CADPS2: variants seen among roughly 807,000 people sequenced by gnomAD.
CADPS2 encodes calcium dependent secretion activator 2.
CADPS2 carries 93 observed loss-of-function variants against 172.5 expected under a neutral mutation model. That is an observed-to-expected ratio of 0.54 (90% confidence interval 0.46 to 0.64). CADPS2 has a LOEUF of 0.64. Ranked by LOEUF, CADPS2 falls within the 30% of genes least tolerant of loss-of-function variation. CADPS2 has a pLI of 0.00. For synonymous variants in CADPS2, 546 were observed against 555.2 expected, an observed-to-expected ratio of 0.98 and a Z score of 0.23; for missense variants, 1,420 against 1,565.9, an observed-to-expected ratio of 0.91 and a Z score of 1.57.
chr7:122,799,561 A>G (rs1029015145), intron 1 of CADPS2, among the ~76,000 whole-genome samples: 6 of 149,610 alleles, frequency 4.0e-5, no homozygotes, highest in Non-Finnish European at 8.9e-5. Context: ...CAGAGATCGC[A>G]CCACTGCACT....
At chr7:122,677,657 CA>C (rs1382077906) in intron 2 of CADPS2, among the ~76,000 whole-genome samples, 3 of 152,134 alleles carry the variant, frequency 2.0e-5, no homozygotes, top group Non-Finnish European at 4.4e-5. Flanking sequence ...ACAACAACAA[CA>C]ACAATAAAAA....
chr7:122,422,336 C>T (rs1194515416), intron 17 of CADPS2, among the ~76,000 whole-genome samples: 1 of 152,110 alleles, frequency 6.6e-6, no homozygotes, highest in South Asian at 2.1e-4. Context: ...ATTTCTTCTA[C>T]GTGGAACCCC....
intron 28 of CADPS2, among the ~76,000 whole-genome samples, chr7:122,326,101 T>A (rs2033804177): frequency 3.3e-5 from 5 of 151,580 alleles, no homozygotes; most frequent in Admixed American, 1.3e-4. Context: ...ATCTACAACT[T>A]AAACAGTAAT....
At chr7:122,325,428 A>T in intron 29 of CADPS2, 49 bp downstream of exon 29, 1 of 1,201,242 alleles carries the variant, frequency 8.3e-7, no homozygotes, top group Non-Finnish European at 1.2e-6. Context: ...TCTTGCCATT[A>T]TTCCTTATAG....
chr7:122,585,386 C>T (rs2069500383), intron 6 of CADPS2: 1 of 141,356 alleles, frequency 7.1e-6, no homozygotes, highest in Non-Finnish European at 1.5e-5. Flanking sequence ...GTTGAAAAGA[C>T]ACAGTTAGAA....
intron 17 of CADPS2, chr7:122,421,043 T>C (rs1000376791): frequency 1.3e-5 from 2 of 152,404 alleles, no homozygotes; most frequent in African/African-American, 2.4e-5. Context: ...CTTGCTGCTA[T>C]TCCCTGTCAA....
chr7:122,429,413 A>G (rs2049594999), intron 17 of CADPS2, among the ~76,000 whole-genome samples: 1 of 151,252 alleles, frequency 6.6e-6, no homozygotes, highest in African/African-American at 2.4e-5. Context: ...AACCTTGAAC[A>G]AATTTATAAT....
At chr7:122,816,685 C>T (rs1046699810) in intron 1 of CADPS2, among the ~76,000 whole-genome samples, 8 of 152,210 alleles carry the variant, frequency 5.3e-5, no homozygotes, top group Non-Finnish European at 7.3e-5. Flanking sequence ...TCCATGTCTT[C>T]GGCAGCATCC....
At chr7:122,606,994 C>A (rs1185938462) in intron 6 of CADPS2, among the ~76,000 whole-genome samples, 1 of 152,058 alleles carries the variant, frequency 6.6e-6, no homozygotes, top group African/African-American at 2.4e-5. Flanking sequence ...TACATGTGGA[C>A]ACCTGATATG....
intron 7 of CADPS2, among the ~76,000 whole-genome samples, chr7:122,562,793 T>C (rs1374129331): frequency 6.6e-6 from 1 of 152,194 alleles, no homozygotes; most frequent in Non-Finnish European, 1.5e-5. Flanking sequence ...TGAAGCATTC[T>C]GCTTGTAAAA....
intron 28 of CADPS2, among the ~76,000 whole-genome samples, chr7:122,337,868 T>G (rs753257607): frequency 4.0e-5 from 6 of 151,328 alleles, no homozygotes; most frequent in Admixed American, 6.6e-5. Flanking sequence ...GTCAAACAAC[T>G]TCAGTGTGAG....
At chr7:122,511,792 T>C (rs923502091) in intron 9 of CADPS2, among the ~76,000 whole-genome samples, 8 of 152,178 alleles carry the variant, frequency 5.3e-5, no homozygotes, top group African/African-American at 1.7e-4. Context: ...TTTGTCAAAT[T>C]AGATATGAAT....
In CADPS2 at chr7:122,554,712, A is replaced by C. The variant is rs147095667; in HGVS notation, c.1336-23T>G. On this transcript the variant is annotated intron_variant, in intron 7 of 29. Coordinates refer to ENST00000449022, the MANE Select transcript of CADPS2 (RefSeq NM_017954.11). ...CACCTGTATGGAAAAAAAAACCCAC[A>C]TTTAAACGCATGATACGGAGTGTCT... The C allele has an allele frequency of 3.9e-5, 62 of 1,569,872 alleles. No individual in the cohort carries two copies. In the African/African-American group the frequency reaches 6.8e-4, roughly 17 times the overall value.
chr7:122,702,046 A>C lies in CADPS2; in HGVS notation c.453+34909T>G, dbSNP rs781181122. Reference sequence around the variant, plus strand: ...GAACTCGCAGTTGAAGCTGGTCAATAGCTTTCTTCACATCTGTCTTTATTT... The same window carrying C: ...GAACTCGCAGTTGAAGCTGGTCAATCGCTTTCTTCACATCTGTCTTTATTT... On this transcript the variant is annotated intron_variant, in intron 2 of 29. Transcript: ENST00000449022. The C allele has an allele frequency of 1.7e-5, 28 of 1,613,482 alleles. 1 individual carries two copies. The Admixed American group carries it at 4.7e-4, about 27-fold the overall frequency.
intron 2 of CADPS2, among the ~76,000 whole-genome samples, chr7:122,734,547 AAAGTT>A (rs1211179571): frequency 2.0e-5 from 3 of 151,838 alleles, no homozygotes; most frequent in East Asian, 3.9e-4. Context: ...TGAAAGAAGA[AAAGTT>A]AAGACTGTTC....
At chr7:122,636,214 G>A (rs2077048953) in intron 3 of CADPS2, among the ~76,000 whole-genome samples, 1 of 152,076 alleles carries the variant, frequency 6.6e-6, no homozygotes, top group African/African-American at 2.4e-5. Flanking sequence ...GCCTAAGTAT[G>A]TTTTTGTGGT....
At chr7:122,474,251 A>T in intron 13 of CADPS2, 130 bp downstream of exon 13, 1 of 991,002 alleles carries the variant, frequency 1.0e-6, no homozygotes, top group African/African-American at 1.6e-5. Flanking sequence ...TACCCTTATT[A>T]AATGAGTCAG....
intron 8 of CADPS2, among the ~76,000 whole-genome samples, chr7:122,529,993 A>T (rs2061618780): frequency 6.6e-6 from 1 of 152,104 alleles, no homozygotes; most frequent in Admixed American, 6.6e-5. Flanking sequence ...AACTTACTTT[A>T]GACTCTATAA....
At chr7:122,664,755 T>C (rs1198297805) in intron 2 of CADPS2, among the ~76,000 whole-genome samples, 1 of 152,160 alleles carries the variant, frequency 6.6e-6, no homozygotes, top group African/African-American at 2.4e-5. Context: ...TATGCTGTTA[T>C]TGAGCTTACA....
Sources: allele counts gnomAD v4.1 joint callset (sites outside exome capture counted in the v4.1 genomes callset), GRCh38; gene constraint gnomAD v4.1.1; transcripts MANE v1.5; gene names NCBI Gene and HGNC (gene_info 2026-07-23, HGNC 2026-07-21).